The following TMEM38B variants were observed in gnomAD, a reference collection of about 807,000 sequenced individuals.
TMEM38B encodes the protein transmembrane protein 38B.
TMEM38B carries 24 observed loss-of-function variants against 28.7 expected under a neutral mutation model. That is an observed-to-expected ratio of 0.84 (90% confidence interval 0.61 to 1.18). TMEM38B has a LOEUF of 1.18. Ranked by LOEUF, TMEM38B falls within the 50% of genes most tolerant of loss-of-function variation. The pLI is 0.00. For synonymous variants in TMEM38B, 131 were observed against 127.7 expected (o/e 1.03, Z -0.17); for missense variants, 380 against 350.9 (o/e 1.08, Z -0.66).
chr9:105,764,575 A>G (rs1038565529), intron 5 of TMEM38B, among the ~76,000 whole-genome samples: 1 of 152,104 alleles, frequency 6.6e-6, no homozygotes, highest in Non-Finnish European at 1.5e-5. Context: ...GCTCAAGGAA[A>G]TAAAAGAGGA....
intron 2 of TMEM38B, among the ~76,000 whole-genome samples, chr9:105,706,317 T>C: frequency 6.6e-6 from 1 of 152,242 alleles, no homozygotes; most frequent in East Asian, 1.9e-4. Flanking sequence ...TGTTGAGACA[T>C]AGTCTTGCTA....
chr9:105,706,228 CTCTT>C (rs1487594951), intron 2 of TMEM38B, among the ~76,000 whole-genome samples: 1 of 152,146 alleles, frequency 6.6e-6, no homozygotes, highest in Non-Finnish European at 1.5e-5. Context: ...TAAAGTATAT[CTCTT>C]TCTTTTTTAT....
chr9:105,758,458 C>T (rs1385147482), intron 5 of TMEM38B: 8 of 1,369,366 alleles, frequency 5.8e-6, no homozygotes, highest in Non-Finnish European at 8.4e-6. Flanking sequence ...AGTTGTTTCA[C>T]AGCAGGAGAA....
At chr9:105,746,193 T>G (rs1435650808) in intron 4 of TMEM38B, among the ~76,000 whole-genome samples, 1 of 151,834 alleles carries the variant, frequency 6.6e-6, no homozygotes, top group Admixed American at 6.5e-5. Flanking sequence ...TTTCACGATA[T>G]TGATTCTTCC....
intron 3 of TMEM38B, 120 bp downstream of exon 3, chr9:105,721,841 A>G: frequency 1.3e-6 from 1 of 772,868 alleles, no homozygotes; most frequent in Non-Finnish European, 1.9e-6. Context: ...GACTTTTTGG[A>G]AGGTAAAAAC....
At chr9:105,757,194 G>C (rs1339162524) in intron 5 of TMEM38B, among the ~76,000 whole-genome samples, 1 of 152,034 alleles carries the variant, frequency 6.6e-6, no homozygotes, top group African/African-American at 2.4e-5. Context: ...TTAGAATAAT[G>C]GTCTTCAACT....
intron 2 of TMEM38B, among the ~76,000 whole-genome samples, chr9:105,716,889 C>T (rs1355009665): frequency 1.3e-5 from 2 of 152,074 alleles, no homozygotes; most frequent in Non-Finnish European, 2.9e-5. Context: ...ATACATATGA[C>T]ATAAAAAAAT....
intron 5 of TMEM38B, chr9:105,760,835 T>A (rs1354758063): frequency 3.0e-6 from 2 of 658,052 alleles, no homozygotes; most frequent in African/African-American, 1.8e-5. Context: ...CAAAAGGAAG[T>A]CTGTTATTAA....
At chr9:105,715,771 T>C (rs966402541) in intron 2 of TMEM38B, among the ~76,000 whole-genome samples, 3 of 152,158 alleles carry the variant, frequency 2.0e-5, no homozygotes, top group African/African-American at 7.2e-5. Context: ...CTTATTCTTA[T>C]GTGTGTTCTT....
At chr9:105,716,627 A>AGCT (rs879542083) in intron 2 of TMEM38B, among the ~76,000 whole-genome samples, 27,338 of 151,762 alleles carry the variant, frequency 0.18, 3,524 homozygotes, top group East Asian at 0.46. Context: ...CATGAATTTG[A>AGCT]ACTGTGTGAA....
At chr9:105,735,704 T>C (rs914672791) in intron 4 of TMEM38B, among the ~76,000 whole-genome samples, 11 of 152,190 alleles carry the variant, frequency 7.2e-5, no homozygotes, top group African/African-American at 2.7e-4. Flanking sequence ...TCTCTGGATG[T>C]TTTTAGAATT....
intron 4 of TMEM38B, among the ~76,000 whole-genome samples, chr9:105,744,564 TTTTTTTATTTTTTTA>T (rs1403909319): frequency 6.6e-6 from 1 of 151,440 alleles, no homozygotes; most frequent in African/African-American, 2.4e-5. Flanking sequence ...TGTAATTTCT[TTTTTTTATTTTTTTA>T]TTTTTTATTT....
At chr9:105,768,133 A>G (rs1308058094) in intron 5 of TMEM38B, among the ~76,000 whole-genome samples, 1 of 152,124 alleles carries the variant, frequency 6.6e-6, no homozygotes, top group Non-Finnish European at 1.5e-5. Flanking sequence ...AGTGTTTATC[A>G]TGAATGGGTG....
At position 105,775,651 on chromosome 9, in the gene TMEM38B, C is replaced by G. The variant is rs1826702502; in HGVS notation, c.*1571C>G. 5 of 151,972 alleles carry G rather than the reference C, an allele frequency of 3.3e-5. No homozygotes were observed. Among genetic ancestry groups the G allele is most frequent in the Admixed American group, 3.3e-4 (5 of 15,242 alleles). The allele number at this position is 151,972 out of a possible 1,614,324, so 9.4% of individuals were successfully genotyped here. ...AGAAAGCTTTAAGTATTTAAGAGCT[C>G]TGTATTATATTTGATACTCTTACAG... On this transcript the variant is annotated 3_prime_UTR_variant, in exon 6 of 6. Transcript: ENST00000374692.
At chr9:105,728,766 C>CCCTTCTGACTGGCGTGAGA (rs1836619423) in intron 4 of TMEM38B, among the ~76,000 whole-genome samples, 1 of 152,174 alleles carries the variant, frequency 6.6e-6, no homozygotes, top group African/African-American at 2.4e-5. Context: ...TTAATGATCG[C>CCCTTCTGACTGGCGTGAGA]CCTTCTGACT....
intron 2 of TMEM38B, 79 bp from the exon 3 acceptor site, chr9:105,721,458 T>A (rs1344717143): frequency 5.7e-6 from 6 of 1,056,280 alleles, no homozygotes; most frequent in Non-Finnish European, 7.8e-6. Context: ...TGCCAAATTG[T>A]TGTTGCTGTT....
rs1836303266 is a variant in TMEM38B at position 105,721,173 on chromosome 9, G to A, written c.270-364G>A. On this transcript the variant is annotated intron_variant, in intron 2 of 5. Transcript: ENST00000374692. ...TCCCAGAGGACAAAGACACTGTGTA[G>A]GAGTTCCTACCCCTGGAAATGATTA... 5.3e-5 allele frequency among the ~76,000 whole-genome samples: 8 copies of A among 152,244 alleles called. No individual in the cohort carries two copies. In the South Asian group the frequency reaches 1.7e-3, roughly 32 times the overall value.
At chr9:105,751,803 A>G (rs966096564) in intron 5 of TMEM38B, among the ~76,000 whole-genome samples, 3 of 152,184 alleles carry the variant, frequency 2.0e-5, no homozygotes, top group African/African-American at 4.8e-5. Flanking sequence ...GTCCCCCACA[A>G]TGCAGCACAG....
chr9:105,774,125 C>G lies in TMEM38B; in HGVS notation c.*45C>G. ...CAAGGCCAAAAATTTTTTTTCTTAT[C>G]TACCTGTTATATTGTGCTAATTTTT... On this transcript the variant is annotated 3_prime_UTR_variant, in exon 6 of 6. Coordinates refer to ENST00000374692, the MANE Select transcript of TMEM38B (RefSeq NM_018112.3). The G allele has an allele frequency of 1.3e-6, 2 of 1,523,816 alleles. No individual in the cohort carries two copies. Among genetic ancestry groups the G allele is most frequent in the Non-Finnish European group, 1.8e-6 (2 of 1,111,238 alleles). 94.4% of individuals were successfully genotyped at this position (1,523,816 alleles called of 1,614,324 possible). A position where few individuals can be genotyped will look rare whatever the true frequency, so the allele number is the denominator to read the frequency against.
Sources: gnomAD v4.1 joint callset for allele counts (sites outside exome capture counted in the v4.1 genomes callset) on GRCh38, gnomAD v4.1.1 for gene constraint, MANE v1.5 for transcripts, NCBI Gene and HGNC (gene_info 2026-07-23, HGNC 2026-07-21) for gene names.